Variants in PRKN observed in about 807,000 individuals in gnomAD.
PRKN encodes the protein E3 ubiquitin-protein ligase parkin.
A neutral mutation model predicts 59.5 loss-of-function variants in PRKN; 56 were observed. That is an observed-to-expected ratio of 0.94 (90% CI 0.76 to 1.18). The LOEUF (loss-of-function observed/expected upper bound fraction) is 1.18, where lower values mean the gene tolerates loss of function less well. Among genes scored for constraint, PRKN ranks in the 50% most tolerant of loss-of-function variants. The pLI is 0.00. For synonymous variants in PRKN, 250 were observed against 222.1 expected, an observed-to-expected ratio of 1.13 and a Z score of -1.12; for missense variants, 657 against 596.4, an observed-to-expected ratio of 1.10 and a Z score of -1.06.
intron 2 of PRKN, among the ~76,000 whole-genome samples, chr6:162,434,338 C>T (rs1372016211): frequency 6.6e-6 from 1 of 152,162 alleles, no homozygotes; most frequent in East Asian, 1.9e-4. Flanking sequence ...TGAGTCTGTG[C>T]ATCCTCTGAT....
chr6:161,999,724 A>G (rs564587130), intron 5 of PRKN, among the ~76,000 whole-genome samples: 1 of 152,236 alleles, frequency 6.6e-6, no homozygotes, highest in South Asian at 2.1e-4. Flanking sequence ...CTAATGCACC[A>G]AAACATGAAT....
At chr6:161,766,451 G>A (rs935438419) in intron 7 of PRKN, among the ~76,000 whole-genome samples, 2 of 151,976 alleles carry the variant, frequency 1.3e-5, no homozygotes, top group African/African-American at 4.8e-5. Flanking sequence ...GGGACTACAG[G>A]TGCACGCCAC....
Position 161,548,760 on chromosome 6 carries a change from A to G in PRKN, c.1083+94T>C. 3 of 1,205,962 alleles carry G rather than the reference A, an allele frequency of 2.5e-6. No individual in the cohort carries two copies. Among genetic ancestry groups the G allele is most frequent in the Non-Finnish European group, 3.6e-6 (3 of 834,352 alleles). 74.7% of individuals were successfully genotyped at this position (1,205,962 alleles called of 1,614,324 possible). On this transcript the variant is annotated intron_variant, in intron 9 of 11. Transcript: ENST00000366898. This position sits in a 1 kb window ranked among gnomAD's most constrained non-coding sequence, Gnocchi z 4.2. ...TTCAAAGATGTCTAAGTCCAAAGGG[A>G]AAATGAAAATAAAATAAAAATATAA...
intron 4 of PRKN, among the ~76,000 whole-genome samples, chr6:162,184,263 G>T (rs1043608102): frequency 6.6e-6 from 1 of 152,066 alleles, no homozygotes; most frequent in Non-Finnish European, 1.5e-5. Flanking sequence ...TTCACAAAAG[G>T]GCAGAGTCTA....
chr6:162,088,916 T>C (rs1224501923), intron 4 of PRKN, among the ~76,000 whole-genome samples: 1 of 152,106 alleles, frequency 6.6e-6, no homozygotes, highest in African/African-American at 2.4e-5. Flanking sequence ...TAAGTCAAAA[T>C]GGATAAGAGG....
chr6:162,100,469 A>T (rs1240307028), intron 4 of PRKN, among the ~76,000 whole-genome samples: 4 of 139,096 alleles, frequency 2.9e-5, no homozygotes, highest in South Asian at 2.3e-4. Context: ...TTTTTTTTTT[A>T]AGATAGATGT....
At chr6:162,026,282 C>T (rs533838640) in intron 5 of PRKN, among the ~76,000 whole-genome samples, 8 of 152,290 alleles carry the variant, frequency 5.3e-5, no homozygotes, top group African/African-American at 1.9e-4. Flanking sequence ...CCCTAAAATG[C>T]GGAGGCACAC....
intron 1 of PRKN, among the ~76,000 whole-genome samples, chr6:162,631,985 TAA>T (rs766901063): frequency 3.4e-5 from 4 of 117,194 alleles, no homozygotes; most frequent in Admixed American, 8.3e-5. Context: ...TATTAAAAAG[TAA>T]AAAAAAAAAA....
chr6:161,635,370 C>T (rs1266660502), intron 7 of PRKN, among the ~76,000 whole-genome samples: 1 of 152,190 alleles, frequency 6.6e-6, no homozygotes, highest in African/African-American at 2.4e-5. Context: ...ACTGTTAGAA[C>T]ATCTGGTCTT....
At chr6:162,601,919 CAT>C (rs1781729208) in intron 1 of PRKN, among the ~76,000 whole-genome samples, 1 of 152,162 alleles carries the variant, frequency 6.6e-6, no homozygotes, top group Non-Finnish European at 1.5e-5. Context: ...TCCAATCTAT[CAT>C]GTGTTTTCTC....
chr6:162,664,361 C>CATATA (rs1028626902), intron 1 of PRKN, among the ~76,000 whole-genome samples: 1 of 152,148 alleles, frequency 6.6e-6, no homozygotes, highest in African/African-American at 2.4e-5. Flanking sequence ...CATACGTGTA[C>CATATA]ATATGTCTTT....
rs373077182 is a variant in PRKN, at chr6:162,716,608, C to A, written c.7+11054G>T. ...TTCTCTACAGGATACAAATTAGCAA[C>A]CTGGTACATATCAAATTACCCAGCT... On this transcript the variant is annotated intron_variant, in intron 1 of 11. Coordinates refer to ENST00000366898, the MANE Select transcript of PRKN (RefSeq NM_004562.3). 5.9e-5 allele frequency among the ~76,000 whole-genome samples: 9 copies of A among 152,294 alleles called. 1 individual carries two copies. The highest frequency in any genetic ancestry group is 2.1e-4 in the South Asian group (1 of 4,824).
intron 2 of PRKN, among the ~76,000 whole-genome samples, chr6:162,439,625 T>C (rs1377539235): frequency 6.6e-6 from 1 of 152,090 alleles, no homozygotes; most frequent in Admixed American, 6.6e-5. Flanking sequence ...TGGGTCCATT[T>C]ATATGCAGAT....
chr6:162,056,256 T>C lies in PRKN; in HGVS notation c.535-2082A>G, dbSNP rs1287671514. 7.3e-6 allele frequency among the ~76,000 whole-genome samples: 1 copy of C among 136,142 alleles called. No individual in the cohort carries two copies. The highest frequency in any genetic ancestry group is 2.8e-5 in the African/African-American group (1 of 35,592). 89.3% of individuals were successfully genotyped at this position (136,142 alleles called of 152,430 possible). A position where few individuals can be genotyped will look rare whatever the true frequency, so the allele number is the denominator to read the frequency against. On this transcript the variant is annotated intron_variant, in intron 4 of 11. Transcript: ENST00000366898. This position sits in a 1 kb window ranked among gnomAD's most constrained non-coding sequence, Gnocchi z 4.9. The stretch of plus-strand genomic sequence containing the variant: ...GCCTAACACACCCCACACACATACA[T>C]CCAAACACATACATGCACACCAAGA...
intron 7 of PRKN, among the ~76,000 whole-genome samples, chr6:161,726,587 T>C (rs1787449690): frequency 6.6e-6 from 1 of 152,218 alleles, no homozygotes; most frequent in Non-Finnish European, 1.5e-5. Flanking sequence ...TCATCATTTA[T>C]GAGTAATTGA....
chr6:162,656,340 C>A (rs2128227429), intron 1 of PRKN, among the ~76,000 whole-genome samples: 1 of 152,336 alleles, frequency 6.6e-6, no homozygotes, highest in South Asian at 2.1e-4. Flanking sequence ...TGGCCCTACG[C>A]AGCCACTACC....
Position 161,386,911 on chromosome 6 carries a change from A to T in PRKN, c.1084-34T>A. The T allele has an allele frequency of 1.3e-6, 2 of 1,535,632 alleles. No individual in the cohort carries two copies. On this transcript the variant is annotated intron_variant, in intron 9 of 11. Coordinates refer to ENST00000366898, the MANE Select transcript of PRKN (RefSeq NM_004562.3). The surrounding 1 kb of genome is among the most constrained non-coding windows in gnomAD (Gnocchi z 4.3). ...GAACACACATCCATTAATTAGGGAC[A>T]TTAGGTTGCATTTGGCAATAACACA...
intron 6 of PRKN, among the ~76,000 whole-genome samples, chr6:161,857,313 G>A (rs1005711568): frequency 3.3e-5 from 5 of 152,282 alleles, no homozygotes; most frequent in African/African-American, 7.2e-5. Flanking sequence ...CTACCACTGC[G>A]GTGTGAAAGC....
chr6:161,992,673 ACT>A (rs1460779203), intron 5 of PRKN, among the ~76,000 whole-genome samples: 4 of 152,296 alleles, frequency 2.6e-5, no homozygotes, highest in Admixed American at 2.6e-4. Flanking sequence ...CACATGGAAC[ACT>A]CTCTAGAATA....
Sources: allele counts gnomAD v4.1 joint callset (sites outside exome capture counted in the v4.1 genomes callset), GRCh38; gene constraint gnomAD v4.1.1; non-coding constraint Gnocchi (gnomAD v3.1); transcripts MANE v1.5; gene names NCBI Gene and HGNC (gene_info 2026-07-23, HGNC 2026-07-21).